AP4S1: variants seen among roughly 807,000 people sequenced by gnomAD.
The protein encoded by AP4S1 is AP-4 complex subunit sigma-1.
AP4S1 carries 23 observed loss-of-function variants against 19.8 expected under a neutral mutation model. The observed-to-expected ratio is 1.16, with a 90% CI of 0.84 to 1.65. AP4S1 has a LOEUF of 1.65. AP4S1 is among the 40% of genes most tolerant of loss of function. The pLI, the probability that AP4S1 is intolerant of heterozygous loss-of-function variation, is 0.00. For missense variants in AP4S1, 166 were observed against 172.8 expected (o/e 0.96, Z 0.22); for synonymous variants, 46 against 54.1 (o/e 0.85, Z 0.66).
chr14:31,044,271 C>T (rs115644148), intron 1 of AP4S1, among the ~76,000 whole-genome samples: 175 of 152,222 alleles, frequency 1.1e-3, no homozygotes, highest in African/African-American at 3.9e-3. Flanking sequence ...TAGTGCTGGA[C>T]TTTCCAGAGA....
At position 31,072,885 on chromosome 14, in the gene AP4S1, CCTTT is replaced by C. The variant is rs1306696935; in HGVS notation, c.226-16_226-13del. On this transcript the variant is annotated splice_polypyrimidine_tract_variant and intron_variant, in intron 3 of 5. Transcript: ENST00000542754. ...GGAAGCGACACTAAAATTGATTGTACCTTTCTTCTTTTATTGTAGAACGAGATGG... is the reference window on the plus strand; with the variant it reads ...GGAAGCGACACTAAAATTGATTGTACCTTCTTTTATTGTAGAACGAGATGG... 1 of 1,598,210 alleles carries C rather than the reference CCTTT, an allele frequency of 6.3e-7. No individual in the cohort carries two copies. Among genetic ancestry groups the C allele is most frequent in the Admixed American group, 1.7e-5 (1 of 59,958 alleles).
chr14:31,081,273 A>G lies in AP4S1; in HGVS notation c.306+689A>G, dbSNP rs149247072. 1.8e-3 allele frequency among the ~76,000 whole-genome samples: 277 copies of G among 152,328 alleles called. 3 individuals are homozygous for G. Among genetic ancestry groups the G allele is most frequent in the African/African-American group, 6.5e-3 (272 of 41,572 alleles). On this transcript the variant is annotated intron_variant, in intron 5 of 5. Coordinates refer to ENST00000542754, the MANE Select transcript of AP4S1 (RefSeq NM_001128126.3). ...ACTGGATTTCCAGGGTGCCAGGTCT[A>G]AATCTCTAGAAATCCCCTACATGAC... is the stretch of plus-strand genomic sequence containing the variant.
chr14:31,033,077 C>T (rs1319554775), intron 1 of AP4S1: 1 of 152,198 alleles, frequency 6.6e-6, no homozygotes, highest in East Asian at 1.9e-4. Flanking sequence ...ACTAGAAAGT[C>T]TCCCCGCACA....
chr14:31,094,827 C>G lies in AP4S1; in HGVS notation c.*1792C>G, dbSNP rs2139133008. Reference sequence around the variant, plus strand: ...GTCAGGAGTTTGAAACCAGCCTGGCCAACATGGCAAAACCTTGTCTCTACT... The same window carrying G: ...GTCAGGAGTTTGAAACCAGCCTGGCGAACATGGCAAAACCTTGTCTCTACT... On this transcript the variant is annotated 3_prime_UTR_variant, in exon 6 of 6. Transcript: ENST00000542754. 6.6e-6 allele frequency: 1 copy of G among 152,440 alleles called. No homozygotes were observed. Among genetic ancestry groups the G allele is most frequent in the South Asian group, 2.1e-4 (1 of 4,828 alleles). 9.4% of individuals were successfully genotyped at this position (152,440 alleles called of 1,614,324 possible). A position where few individuals can be genotyped will look rare whatever the true frequency, so the allele number is the denominator to read the frequency against.
intron 4 of AP4S1, among the ~76,000 whole-genome samples, chr14:31,076,010 A>G (rs1344338404): frequency 2.0e-5 from 3 of 152,196 alleles, no homozygotes; most frequent in Non-Finnish European, 4.4e-5. Flanking sequence ...TGCTGGGATT[A>G]CAGGCGTGAG....
intron 1 of AP4S1, among the ~76,000 whole-genome samples, chr14:31,060,687 G>A (rs1010479991): frequency 3.9e-5 from 6 of 152,182 alleles, no homozygotes; most frequent in Admixed American, 3.9e-4. Flanking sequence ...TCAGTGCATA[G>A]TGGGACCCAC....
At chr14:31,026,020 C>T (rs1487813168) in intron 1 of AP4S1, 1 of 1,541,264 alleles carries the variant, frequency 6.5e-7, no homozygotes, top group South Asian at 1.2e-5. Context: ...CGGGACAGCT[C>T]GGGGCCTGCC....
chr14:31,069,107 CAGA>C lies in AP4S1; in HGVS notation c.139-729_139-727del, dbSNP rs972801508. 4.6e-5 allele frequency among the ~76,000 whole-genome samples: 7 copies of C among 152,242 alleles called. No individual in the cohort carries two copies. The East Asian group carries it at 5.8e-4, about 13-fold the overall frequency. On this transcript the variant is annotated intron_variant, in intron 2 of 5. Coordinates refer to ENST00000542754, the MANE Select transcript of AP4S1 (RefSeq NM_001128126.3). ...AACACATCCAGCACACCCTAAAATCCAGAAGAAGAGTAACCTTGTGCTTCTGCC... is the reference window on the plus strand; with the variant it reads ...AACACATCCAGCACACCCTAAAATCCAGAAGAGTAACCTTGTGCTTCTGCC...
At chr14:31,088,527 GC>G (rs998162397) in intron 5 of AP4S1, among the ~76,000 whole-genome samples, 14 of 152,110 alleles carry the variant, frequency 9.2e-5, no homozygotes, top group African/African-American at 3.4e-4. Context: ...AAAGATAACA[GC>G]CAGGCGCGGT....
chr14:31,081,848 G>A (rs1006278949), intron 5 of AP4S1, among the ~76,000 whole-genome samples: 3 of 151,534 alleles, frequency 2.0e-5, no homozygotes, highest in African/African-American at 4.8e-5. Flanking sequence ...TGTCTGATGT[G>A]TATATATATG....
At chr14:31,050,644 A>G (rs1361785311) in intron 1 of AP4S1, among the ~76,000 whole-genome samples, 1 of 152,118 alleles carries the variant, frequency 6.6e-6, no homozygotes, top group Non-Finnish European at 1.5e-5. Context: ...AATACAGAGA[A>G]TTTTCGTATA....
intron 4 of AP4S1, 195 bp downstream of exon 4, chr14:31,073,168 A>G (rs1887108712): frequency 1.7e-6 from 1 of 586,110 alleles, no homozygotes; most frequent in Non-Finnish European, 3.0e-6. Context: ...CATGCCTGAG[A>G]TCTTTATAAA....
At chr14:31,089,081 G>A (rs1365507476) in intron 5 of AP4S1, among the ~76,000 whole-genome samples, 1 of 149,878 alleles carries the variant, frequency 6.7e-6, no homozygotes, top group Non-Finnish European at 1.5e-5. Context: ...GATCACTTGA[G>A]CACAGGAGGT....
intron 1 of AP4S1, among the ~76,000 whole-genome samples, chr14:31,038,169 G>T (rs557146451): frequency 6.6e-6 from 1 of 152,226 alleles, no homozygotes; most frequent in Admixed American, 6.5e-5. Flanking sequence ...CATTTGCCTG[G>T]TATGTTTTAT....
chr14:31,087,982 G>A (rs765355457), intron 5 of AP4S1, among the ~76,000 whole-genome samples: 2 of 152,208 alleles, frequency 1.3e-5, no homozygotes, highest in Non-Finnish European at 2.9e-5. Flanking sequence ...CCGAGGGAAC[G>A]TGTGCAGCTG....
intron 1 of AP4S1, among the ~76,000 whole-genome samples, chr14:31,047,473 T>C (rs779248132): frequency 1.8e-4 from 27 of 150,826 alleles, no homozygotes; most frequent in Non-Finnish European, 3.8e-4. Context: ...CTGCAAGCTC[T>C]GCTTCCTGGG....
chr14:31,087,491 G>C (rs1478717114), intron 5 of AP4S1, among the ~76,000 whole-genome samples: 1 of 152,020 alleles, frequency 6.6e-6, no homozygotes, highest in Non-Finnish European at 1.5e-5. Context: ...TGAGTAGCTG[G>C]AATTACAAGC....
chr14:31,035,887 G>C (rs1044839167), intron 1 of AP4S1, among the ~76,000 whole-genome samples: 1 of 151,774 alleles, frequency 6.6e-6, no homozygotes. Context: ...CCCGCCACAA[G>C]GCCCGGCTAA....
chr14:31,056,556 G>C (rs755519089), intron 1 of AP4S1, among the ~76,000 whole-genome samples: 4 of 151,388 alleles, frequency 2.6e-5, no homozygotes, highest in Non-Finnish European at 5.9e-5. Flanking sequence ...ATGGGGTTTC[G>C]CCATGTTGGC....
Sources: gnomAD v4.1 joint callset for allele counts (sites outside exome capture counted in the v4.1 genomes callset) on GRCh38, gnomAD v4.1.1 for gene constraint, MANE v1.5 for transcripts, NCBI Gene and HGNC (gene_info 2026-07-23, HGNC 2026-07-21) for gene names.